RPS17: variants seen among roughly 807,000 people sequenced by gnomAD.
RPS17 encodes small ribosomal subunit protein eS17.
For missense variants in RPS17, 68 were observed against 182.3 expected, an observed-to-expected ratio of 0.37 and a Z score of 3.61; for synonymous variants, 75 against 65.6, an observed-to-expected ratio of 1.14 and a Z score of -0.70.
At chr15:82,539,755 G>C (rs1335886381) in intron 2 of RPS17, 41 of 709,922 alleles carry the variant, frequency 5.8e-5, no homozygotes, top group Non-Finnish European at 9.2e-5. Context: ...CAAAGCAAGA[G>C]GTCTGACGGT....
At chr15:82,538,520 T>C in intron 3 of RPS17, 149 bp from the exon 4 acceptor site, 1 of 884,742 alleles carries the variant, frequency 1.1e-6, no homozygotes, top group South Asian at 1.4e-5. Flanking sequence ...CTTACAGTAT[T>C]ACAGACCCCG....
intron 4 of RPS17, 120 bp from the exon 5 acceptor site, chr15:82,537,001 G>A: frequency 1.7e-6 from 2 of 1,173,110 alleles, no homozygotes; most frequent in Non-Finnish European, 2.6e-6. Flanking sequence ...GCGACCTGAA[G>A]GACCCTTTAA....
At chr15:82,539,488 G>C in intron 2 of RPS17, 2 of 458,632 alleles carry the variant, frequency 4.4e-6, no homozygotes, top group Admixed American at 4.7e-5. Flanking sequence ...AGGTGTTCGA[G>C]ACCAGCCTGG....
At chr15:82,540,312 C>T (rs961427528) in intron 1 of RPS17, 114 bp downstream of exon 1, 3 of 1,583,046 alleles carry the variant, frequency 1.9e-6, no homozygotes, top group East Asian at 4.6e-5. Context: ...GCGCTCCAGC[C>T]TGACAGGGCT....
At chr15:82,538,560 A>T in intron 3 of RPS17, 189 bp from the exon 4 acceptor site, 1 of 722,772 alleles carries the variant, frequency 1.4e-6, no homozygotes, top group Non-Finnish European at 2.5e-6. Context: ...TTACCTTCCC[A>T]TGCCCTCATT....
Position 82,536,752 on chromosome 15 carries a change from G to A in RPS17, c.*49C>T, listed in dbSNP as rs2034246269. On this transcript the variant is annotated 3_prime_UTR_variant, in exon 5 of 5. Coordinates refer to ENST00000647841, the MANE Select transcript of RPS17 (RefSeq NM_001021.6). ...ACAACTGCAAAGATGACACAGGCAA[G>A]GCTGTTGTCCCAGATTTATTGAAAA... The A allele has an allele frequency of 3.7e-6, 6 of 1,606,302 alleles. No individual in the cohort carries two copies. Among genetic ancestry groups the A allele is most frequent in the Non-Finnish European group, 5.1e-6 (6 of 1,172,920 alleles).
chr15:82,539,195 C>T, intron 2 of RPS17: 4 of 686,996 alleles, frequency 5.8e-6, no homozygotes, highest in South Asian at 1.5e-5. Context: ...TTCAAACTCT[C>T]CTTCATGATG....
At chr15:82,539,624 G>A (rs2150888384) in intron 2 of RPS17, 1 of 416,994 alleles carries the variant, frequency 2.4e-6, no homozygotes, top group East Asian at 5.8e-5. Flanking sequence ...GGGAGACGGA[G>A]GTTGCAGTGA....
intron 2 of RPS17, chr15:82,539,632 T>C (rs1048405416): frequency 2.4e-6 from 1 of 418,046 alleles, no homozygotes; most frequent in Non-Finnish European, 4.5e-6. Context: ...GAGGTTGCAG[T>C]GAGCCGAGAT....
At chr15:82,538,201 G>C in intron 4 of RPS17, 105 bp downstream of exon 4, 4 of 1,261,410 alleles carry the variant, frequency 3.2e-6, no homozygotes, top group Non-Finnish European at 4.6e-6. Flanking sequence ...GTTTAGATGG[G>C]ATTCCCAACT....
chr15:82,537,113 C>T, intron 4 of RPS17: 1 of 619,148 alleles, frequency 1.6e-6, no homozygotes, highest in South Asian at 1.9e-5. Context: ...ATGACTTTTA[C>T]CCAATGTACC....
rs1374998203 is a variant in RPS17 at position 82,536,762 on chromosome 15, C to A, written c.*39G>T. On this transcript the variant is annotated 3_prime_UTR_variant, in exon 5 of 5. Coordinates refer to ENST00000647841, the MANE Select transcript of RPS17 (RefSeq NM_001021.6). ...AGATGACACAGGCAAGGCTGTTGTC[C>A]CAGATTTATTGAAAATAATACAGCA... 3 of 1,611,856 alleles carry A rather than the reference C, an allele frequency of 1.9e-6. No individual in the cohort carries two copies. Among genetic ancestry groups the A allele is most frequent in the Non-Finnish European group, 2.5e-6 (3 of 1,177,992 alleles).
intron 2 of RPS17, chr15:82,539,571 C>T: frequency 2.3e-6 from 1 of 427,464 alleles, no homozygotes; most frequent in Non-Finnish European, 4.6e-6. Flanking sequence ...TGCCTCTAAT[C>T]CCAGCTACTG....
intron 2 of RPS17, 41 bp downstream of exon 2, chr15:82,539,938 AAC>A (rs1412162916): frequency 2.5e-6 from 4 of 1,611,698 alleles, no homozygotes; most frequent in Non-Finnish European, 3.4e-6. Flanking sequence ...AGAGCACACA[AAC>A]AGATCGCGGA....
At chr15:82,538,704 C>T (rs2034284042) in intron 3 of RPS17, 176 bp downstream of exon 3, 5 of 731,792 alleles carry the variant, frequency 6.8e-6, no homozygotes, top group African/African-American at 1.8e-5. Flanking sequence ...TTAACTGGTT[C>T]CAGAAGAGCA....
intron 3 of RPS17, 81 bp downstream of exon 3, chr15:82,538,799 C>T: frequency 3.5e-6 from 5 of 1,432,174 alleles, no homozygotes; most frequent in Non-Finnish European, 4.9e-6. Context: ...TCAGATTCAG[C>T]TGAGGTCCCT....
At chr15:82,537,304 C>T in intron 4 of RPS17, 1 of 296,470 alleles carries the variant, frequency 3.4e-6, no homozygotes, top group South Asian at 3.5e-5. Context: ...GCAGGTATCC[C>T]CTGGCTATGA....
At position 82,536,849 on chromosome 15, in the gene RPS17, A is replaced by G; in HGVS notation, c.360T>C (p.Thr120=). 6.2e-7 allele frequency: 1 copy of G among 1,614,036 alleles called. No individual in the cohort carries two copies. Among genetic ancestry groups the G allele is most frequent in the Non-Finnish European group, 8.5e-7 (1 of 1,179,880 alleles). Residue 120 remains threonine, a synonymous_variant, in exon 5 of 5, where the codon ACT becomes ACC. Transcript: ENST00000647841. ...TGAAATTCATCCCAACTGTAGGCTG[A>G]GTGACCTGAAGGTTGGACAGACTGC... ...DFGSLSNLQV[T]QPTVGMNFKT...
At chr15:82,537,277 C>G (rs982020875) in intron 4 of RPS17, 207 of 333,832 alleles carry the variant, frequency 6.2e-4, no homozygotes, top group African/African-American at 4.2e-3. Context: ...TCCTTGGCCT[C>G]TACCCCTTAG....
Sources: allele counts gnomAD v4.1 joint callset, GRCh38; gene constraint gnomAD v4.1.1; transcripts MANE v1.5; gene names NCBI Gene and HGNC (gene_info 2026-07-23, HGNC 2026-07-21).